DAB1: variants seen among roughly 807,000 people sequenced by gnomAD.
DAB1 encodes disabled homolog 1.
A neutral mutation model predicts 64.6 loss-of-function variants in DAB1; 15 were observed. The observed-to-expected ratio is 0.23, with a 90% CI of 0.16 to 0.36. The LOEUF (loss-of-function observed/expected upper bound fraction) is 0.36, where lower values mean the gene tolerates loss of function less well. Among genes scored for constraint, DAB1 ranks in the 10% least tolerant of loss-of-function variants. DAB1 has a pLI of 1.00. For missense variants in DAB1, 596 were observed against 706.7 expected (o/e 0.84, Z 1.78); for synonymous variants, 235 against 251.9 (o/e 0.93, Z 0.64).
intron 4 of DAB1, among the ~76,000 whole-genome samples, chr1:58,220,501 T>C (rs1348004319): frequency 6.6e-6 from 1 of 152,060 alleles, no homozygotes; most frequent in African/African-American, 2.4e-5. Flanking sequence ...GGGGGGAAGG[T>C]GGAAGGTAGA....
At chr1:57,325,009 G>A (rs1263608672) in intron 1 of DAB1, among the ~76,000 whole-genome samples, 1 of 152,246 alleles carries the variant, frequency 6.6e-6, no homozygotes, top group East Asian at 1.9e-4. Flanking sequence ...AGATGCTCAA[G>A]TAATGTTTGT....
intron 5 of DAB1, among the ~76,000 whole-genome samples, chr1:57,895,831 T>A (rs1446475775): frequency 1.3e-5 from 2 of 152,212 alleles, no homozygotes; most frequent in South Asian, 4.1e-4. Flanking sequence ...ATATGCATAC[T>A]GCTGTTTTTA....
At chr1:57,086,356 G>T (rs1215526381) in intron 4 of DAB1, among the ~76,000 whole-genome samples, 1 of 152,086 alleles carries the variant, frequency 6.6e-6, no homozygotes, top group Non-Finnish European at 1.5e-5. Flanking sequence ...CGGGGAGGTT[G>T]GTTCATAGGC....
intron 2 of DAB1, among the ~76,000 whole-genome samples, chr1:57,168,893 A>G (rs1348823387): frequency 6.6e-6 from 1 of 152,004 alleles, no homozygotes; most frequent in Admixed American, 6.6e-5. Flanking sequence ...CTCTCTCTAC[A>G]AAAAATTTAA....
At chr1:57,688,669 T>C (rs145189806) in intron 6 of DAB1, among the ~76,000 whole-genome samples, 1 of 152,238 alleles carries the variant, frequency 6.6e-6, no homozygotes, top group Non-Finnish European at 1.5e-5. Context: ...TCAACCTAGG[T>C]GCCCATCAAC....
chr1:57,770,819 A>T (rs967759537), intron 6 of DAB1, among the ~76,000 whole-genome samples: 1 of 152,316 alleles, frequency 6.6e-6, no homozygotes, highest in African/African-American at 2.4e-5. Flanking sequence ...GGACATTGAA[A>T]GAAAATGTGT....
At chr1:58,324,413 A>C (rs2100488976) in intron 4 of DAB1, among the ~76,000 whole-genome samples, 1 of 152,298 alleles carries the variant, frequency 6.6e-6, no homozygotes, top group Middle Eastern at 3.4e-3. Context: ...GTTTTGAAAA[A>C]GCAGACCCTG....
intron 1 of DAB1, among the ~76,000 whole-genome samples, chr1:57,374,750 TGGGTAGC>T (rs1680766687): frequency 6.6e-6 from 1 of 152,166 alleles, no homozygotes; most frequent in African/African-American, 2.4e-5. Context: ...ATAAAATACC[TGGGTAGC>T]ACCTCTAGGG....
intron 5 of DAB1, among the ~76,000 whole-genome samples, chr1:58,021,847 C>T (rs1646819910): frequency 6.6e-6 from 1 of 152,198 alleles, no homozygotes; most frequent in South Asian, 2.1e-4. Flanking sequence ...TGATAGGAAG[C>T]ATCCAATTAA....
intron 1 of DAB1, among the ~76,000 whole-genome samples, chr1:57,870,983 A>AG (rs1318477157): frequency 3.3e-5 from 5 of 152,174 alleles, no homozygotes; most frequent in Non-Finnish European, 4.4e-5. Context: ...GCACCCCAAA[A>AG]CAGTAAACCA....
In DAB1 at chr1:57,686,434, G is replaced by A. The variant is rs181346066; in HGVS notation, n.552-36769C>T. Among the ~76,000 whole-genome samples, 62 of 151,972 alleles carry A rather than the reference G, an allele frequency of 4.1e-4. 1 individual carries two copies. In the East Asian group the frequency reaches 8.1e-3, roughly 20 times the overall value. On this transcript the variant is annotated intron_variant and non_coding_transcript_variant, in intron 6 of 20. Coordinates refer to the DAB1 transcript ENST00000485760. Reference sequence around the variant, plus strand: ...ACCTACCAACCAGAAAAGAAAAACCGCGGACCAGATGGATGGACAGCCAAA... The same window carrying A: ...ACCTACCAACCAGAAAAGAAAAACCACGGACCAGATGGATGGACAGCCAAA...
chr1:57,893,938 A>G (rs1644354465), intron 5 of DAB1, among the ~76,000 whole-genome samples: 1 of 152,114 alleles, frequency 6.6e-6, no homozygotes. Flanking sequence ...TTTAACTTGT[A>G]TACAGCCTCC....
chr1:58,319,775 T>G (rs1028918139), intron 4 of DAB1, among the ~76,000 whole-genome samples: 3 of 152,226 alleles, frequency 2.0e-5, no homozygotes, highest in African/African-American at 7.2e-5. Context: ...ATGGTCATTC[T>G]AGGAAAGAAG....
At chr1:57,241,455 C>A (rs1454588980) in intron 2 of DAB1, among the ~76,000 whole-genome samples, 1 of 152,090 alleles carries the variant, frequency 6.6e-6, no homozygotes, top group Non-Finnish European at 1.5e-5. Flanking sequence ...CCAACCAGGG[C>A]ACAAAATAGA....
intron 1 of DAB1, among the ~76,000 whole-genome samples, chr1:57,866,006 A>G (rs1471852649): frequency 6.6e-6 from 1 of 152,132 alleles, no homozygotes; most frequent in Admixed American, 6.5e-5. Context: ...TGGTGGAGGG[A>G]GCCAGCTAGA....
At chr1:58,151,053 T>C (rs1404269087) in intron 4 of DAB1, among the ~76,000 whole-genome samples, 1 of 152,240 alleles carries the variant, frequency 6.6e-6, no homozygotes, top group African/African-American at 2.4e-5. Context: ...TAGTATTCCA[T>C]GATGTATATG....
chr1:57,854,407 G>C (rs1285815034), intron 1 of DAB1, among the ~76,000 whole-genome samples: 1 of 152,178 alleles, frequency 6.6e-6, no homozygotes, highest in African/African-American at 2.4e-5. Context: ...GTGAGAGGAA[G>C]AGCCCAACAT....
intron 5 of DAB1, among the ~76,000 whole-genome samples, chr1:57,912,375 T>C (rs146209228): frequency 9.5e-4 from 145 of 152,248 alleles, no homozygotes; most frequent in African/African-American, 3.4e-3. Flanking sequence ...ACGCAGGTGC[T>C]CAAAAATGTC....
intron 4 of DAB1, among the ~76,000 whole-genome samples, chr1:58,264,539 A>G (rs561141941): frequency 3.9e-5 from 6 of 152,302 alleles, no homozygotes; most frequent in Admixed American, 2.6e-4. Flanking sequence ...GGTTTTCCCA[A>G]TTGGTTGCTG....
Sources: gnomAD v4.1 joint callset for allele counts (sites outside exome capture counted in the v4.1 genomes callset) on GRCh38, gnomAD v4.1.1 for gene constraint, MANE v1.5 for transcripts, NCBI Gene and HGNC (gene_info 2026-07-23, HGNC 2026-07-21) for gene names.